Variants in C3 observed in about 807,000 individuals in gnomAD.
C3 encodes C3 and PZP-like alpha-2-macroglobulin domain-containing protein 1.
In C3, 97 loss-of-function variants were observed where a neutral mutation model predicts 207.9. The observed-to-expected ratio is 0.47, with a 90% CI of 0.40 to 0.55. C3 has a LOEUF of 0.55. Ranked by LOEUF, C3 falls within the 20% of genes least tolerant of loss-of-function variation. C3 has a pLI of 0.00. For synonymous variants in C3, 848 were observed against 857.6 expected, an observed-to-expected ratio of 0.99 and a Z score of 0.20; for missense variants, 1,684 against 2,171.7, an observed-to-expected ratio of 0.78 and a Z score of 4.46.
chr19:6,706,954 C>G (rs1967789926), intron 17 of C3, 122 bp downstream of exon 17: 1 of 713,718 alleles, frequency 1.4e-6, no homozygotes, highest in Non-Finnish European at 2.2e-6. Context: ...GCCTCCTCCC[C>G]CCTCAGACAG....
Position 6,707,099 on chromosome 19 carries a change from G to T in C3, c.2222C>A (p.Ala741Asp), listed in dbSNP as rs764448629. ...ITELRRQHAR[A>D]SHLGLARSNL... is the part of the protein sequence containing the mutation. Reference sequence around the variant, plus strand: ...ACTCCTGGCCAGGCCCAGGTGGCTGGCCCGCGCGTGCTGCCGCCGCAGCTC... The same window carrying T: ...ACTCCTGGCCAGGCCCAGGTGGCTGTCCCGCGCGTGCTGCCGCCGCAGCTC... The change falls in exon 17 of 41, where the codon GCC becomes GAC. Residue 741 changes from alanine (A) to aspartate (D), a missense_variant. By Grantham distance (126) the Ala-to-Asp change is moderately radical. Transcript: ENST00000245907. 6.2e-7 allele frequency: 1 copy of T among 1,612,546 alleles called. No homozygotes were observed. Among genetic ancestry groups the T allele is most frequent in the South Asian group, 1.1e-5 (1 of 91,032 alleles).
rs369773058 is a variant in C3, at chr19:6,680,139, C to T, written c.4456+19G>A. ...GCCCCTGGAACCATCAGACCCCAGG[C>T]CCTAGGTTGGCTGCTCACCCAGGTT... On this transcript the variant is annotated intron_variant, in intron 36 of 40. Coordinates refer to ENST00000245907, the MANE Select transcript of C3 (RefSeq NM_000064.4). 2.3e-4 allele frequency: 322 copies of T among 1,394,810 alleles called. No individual in the cohort carries two copies. Among genetic ancestry groups the T allele is most frequent in the Non-Finnish European group, 3.2e-4 (309 of 980,138 alleles). 86.4% of individuals were successfully genotyped at this position (1,394,810 alleles called of 1,614,324 possible).
Position 6,678,238 on chromosome 19 carries a change from G to A in C3, c.4764C>T (p.Ile1588=), listed in dbSNP as rs2145388816. The A allele has an allele frequency of 6.2e-7, 1 of 1,614,236 alleles. No homozygotes were observed. The highest frequency in any genetic ancestry group is 1.7e-5 in the Admixed American group (1 of 60,032). ...CCAGCTTCAGGGCTTCTCTGCACTT[G>A]ATGGGGCTGATGAACGTGCGCTGCT... is the stretch of plus-strand genomic sequence containing the variant. The part of the protein sequence containing the change: ...VGQQRTFISP[I]KCREALKLEE... Residue 1588 remains isoleucine, a synonymous_variant, in exon 40 of 41, where the codon ATC becomes ATT. Transcript: ENST00000245907.
chr19:6,714,289 C>A (rs376523859), intron 5 of C3, 41 bp from the exon 6 acceptor site: 6 of 1,609,490 alleles, frequency 3.7e-6, no homozygotes, highest in East Asian at 4.5e-5. Flanking sequence ...GGCCTCGGAG[C>A]CCCCCTGCTC....
In C3 at chr19:6,719,128, A is replaced by G. The variant is rs1026056430; in HGVS notation, c.267+83T>C. The G allele has an allele frequency of 2.5e-6, 3 of 1,197,780 alleles. No homozygotes were observed. In the African/African-American group the frequency reaches 4.9e-5, roughly 19 times the overall value. The allele number at this position is 1,197,780 out of a possible 1,614,324, so 74.2% of individuals were successfully genotyped here. On this transcript the variant is annotated intron_variant, in intron 2 of 40. Coordinates refer to ENST00000245907, the MANE Select transcript of C3 (RefSeq NM_000064.4). The surrounding 1 kb of genome is among the most constrained non-coding windows in gnomAD (Gnocchi z 5.4). ...AGGGCAGGGCTTAGAAAGGGAGAAGACAGAAGGGGAGGGGCTCAGGAGGAG... is the reference window on the plus strand; with the variant it reads ...AGGGCAGGGCTTAGAAAGGGAGAAGGCAGAAGGGGAGGGGCTCAGGAGGAG...
In C3 at chr19:6,693,226, T is replaced by C. The variant is rs116412845; in HGVS notation, c.3231-143A>G. The C allele has an allele frequency of 2.1e-3, 2,362 of 1,141,580 alleles. 39 individuals are homozygous for C. In the African/African-American group the frequency reaches 0.032, roughly 15 times the overall value. The allele number at this position is 1,141,580 out of a possible 1,614,324, so 70.7% of individuals were successfully genotyped here. On this transcript the variant is annotated intron_variant, in intron 25 of 40. Coordinates refer to ENST00000245907, the MANE Select transcript of C3 (RefSeq NM_000064.4). The stretch of plus-strand genomic sequence containing the variant: ...CCCAGGCCCCAGGACCCAGCTGTTG[T>C]ATGCGGTCCGTGCTTAAGGATGCTT...
intron 19 of C3, among the ~76,000 whole-genome samples, 161 bp from the exon 20 acceptor site, chr19:6,697,955 AGAT>A (rs1222149292): frequency 6.6e-6 from 1 of 151,960 alleles, no homozygotes; most frequent in Non-Finnish European, 1.5e-5. Flanking sequence ...GACAAATGAC[AGAT>A]GATGATGGTG....
At chr19:6,710,008 A>G (rs1466727341) in intron 13 of C3, among the ~76,000 whole-genome samples, 166 bp from the exon 14 acceptor site, 3 of 138,890 alleles carry the variant, frequency 2.2e-5, no homozygotes, top group Non-Finnish European at 4.6e-5. Flanking sequence ...AGAGGGAGGG[A>G]GAGAGAGGGA....
chr19:6,699,287 C>A (rs1397512005), intron 19 of C3, among the ~76,000 whole-genome samples: 1 of 144,380 alleles, frequency 6.9e-6, no homozygotes, highest in African/African-American at 2.6e-5. Context: ...GTTGCCCAGG[C>A]TGGTCTCAAA....
chr19:6,692,897 AT>A, intron 26 of C3, 26 bp downstream of exon 26: 1 of 1,612,472 alleles, frequency 6.2e-7, no homozygotes, highest in Non-Finnish European at 8.5e-7. Flanking sequence ...CCTCTCTTCC[AT>A]TTTGCCCTAA....
intron 19 of C3, among the ~76,000 whole-genome samples, chr19:6,700,367 G>T (rs796860305): frequency 2.7e-5 from 2 of 75,354 alleles, no homozygotes; most frequent in East Asian, 4.1e-4. Flanking sequence ...TATGTAATAT[G>T]ATATATTATA....
chr19:6,678,532 G>T, intron 38 of C3, 77 bp from the exon 39 acceptor site: 1 of 1,180,894 alleles, frequency 8.5e-7, no homozygotes, highest in Non-Finnish European at 1.3e-6. Context: ...AAGTGCACCC[G>T]GGCATGTGGC....
rs1337559480 is a variant in C3, at chr19:6,718,306, A to AG, written c.373dup (p.Leu125ProfsTer44). ...CTGGATGAAGAGGTACCCGCTCTGC[A>AG]GGCTGACCAGCACCACCTTCTCCAC... On this transcript the variant is annotated frameshift_variant, in exon 3 of 41. Transcript: ENST00000245907. LOFTEE classifies it high-confidence loss of function. 8.7e-6 allele frequency: 14 copies of AG among 1,614,228 alleles called. No individual in the cohort carries two copies. Among genetic ancestry groups the AG allele is most frequent in the Non-Finnish European group, 1.2e-5 (14 of 1,180,038 alleles).
At chr19:6,700,204 TATGTATATATTAC>T (rs1967614368) in intron 19 of C3, among the ~76,000 whole-genome samples, 1 of 137,194 alleles carries the variant, frequency 7.3e-6, no homozygotes, top group Non-Finnish European at 1.5e-5. Flanking sequence ...ACATGTGTAA[TATGTATATATTAC>T]ATATATATTA....
Position 6,714,356 on chromosome 19 carries a change from C to T in C3, c.595G>A (p.Val199Ile), listed in dbSNP as rs147549358. ...CTCCTCAAGAACCTGACATACTTGA[C>T]GAGTTCCGGAATGTCCCAAGACAAG... ...LPLSWDIPEL[V>I]NMGQWKIRAY... The change falls in exon 5 of 41, where the codon GTC (valine) becomes ATC (isoleucine). Residue 199 changes from valine (V) to isoleucine (I), a missense_variant. By Grantham distance (29) the Val-to-Ile change is conservative. Around this residue, in one of 3 missense-constraint regions of C3, gnomAD observed 1,280 missense variants for 1,739.1 expected, o/e 0.74. Coordinates refer to ENST00000245907, the MANE Select transcript of C3 (RefSeq NM_000064.4). 9.9e-6 allele frequency: 16 copies of T among 1,613,294 alleles called. No homozygotes were observed. Among genetic ancestry groups the T allele is most frequent in the East Asian group, 8.9e-5 (4 of 44,874 alleles).
At chr19:6,680,693 G>A (rs976532650) in intron 35 of C3, among the ~76,000 whole-genome samples, 4 of 152,166 alleles carry the variant, frequency 2.6e-5, no homozygotes, top group African/African-American at 7.2e-5. Flanking sequence ...ATACAAGTCT[G>A]TTGTGTTAAG....
chr19:6,682,712 C>G, intron 33 of C3: 1 of 198,408 alleles, frequency 5.0e-6, no homozygotes, highest in South Asian at 9.1e-5. Context: ...TAATTGAGGG[C>G]CAATTACTGT....
At chr19:6,686,933 A>T (rs1254499463) in intron 27 of C3, 31 bp from the exon 28 acceptor site, 1 of 1,612,410 alleles carries the variant, frequency 6.2e-7, no homozygotes, top group South Asian at 1.1e-5. Context: ...TTCTCCGGTC[A>T]TGTGGGCATT....
At position 6,718,350 on chromosome 19, in the gene C3, G is replaced by A. The variant is rs762124805; in HGVS notation, c.330C>T (p.Ala110=). Residue 110 remains alanine, a synonymous_variant, in exon 3 of 41, where the codon GCC becomes GCT. Coordinates refer to ENST00000245907, the MANE Select transcript of C3 (RefSeq NM_000064.4). ...KGRNKFVTVQ[A]TFGTQVVEKV... ...TCTCCACCACTTGGGTCCCGAAGGT[G>A]GCCTGCACGGTCACGAACTTGTTGC... is the stretch of plus-strand genomic sequence containing the variant. The A allele has an allele frequency of 1.9e-5, 30 of 1,614,226 alleles. No individual in the cohort carries two copies. The highest frequency in any genetic ancestry group is 2.4e-5 in the Non-Finnish European group (28 of 1,180,038).
Sources: allele counts gnomAD v4.1 joint callset (sites outside exome capture counted in the v4.1 genomes callset), GRCh38; gene constraint gnomAD v4.1.1; regional missense constraint gnomAD v4.1.1; non-coding constraint Gnocchi (gnomAD v3.1); transcripts MANE v1.5; gene names NCBI Gene and HGNC (gene_info 2026-07-23, HGNC 2026-07-21).